Variants in KIAA0232 observed in about 807,000 individuals in gnomAD.
The protein encoded by KIAA0232 is uncharacterized protein KIAA0232.
Under a neutral mutation model 122.0 loss-of-function variants are expected in KIAA0232, and 27 were observed. The ratio of observed to expected loss-of-function variants is 0.22; its 90% confidence interval spans 0.16 to 0.31. KIAA0232 has a LOEUF of 0.31. KIAA0232 is among the 10% of genes least tolerant of loss of function. KIAA0232 has a pLI of 1.00. For synonymous variants in KIAA0232, 613 were observed against 587.6 expected (o/e 1.04, Z -0.63); for missense variants, 1,551 against 1,634.2 (o/e 0.95, Z 0.88).
At chr4:6,851,943 T>G (rs1382176894) in intron 4 of KIAA0232, among the ~76,000 whole-genome samples, 1 of 152,204 alleles carries the variant, frequency 6.6e-6, no homozygotes, top group East Asian at 1.9e-4. Context: ...ATCACCCTGC[T>G]AAAGAGCGGG....
chr4:6,838,539 C>G (rs1199411656), intron 3 of KIAA0232, among the ~76,000 whole-genome samples: 1 of 152,052 alleles, frequency 6.6e-6, no homozygotes, highest in Non-Finnish European at 1.5e-5. Flanking sequence ...TGGGAGTATT[C>G]TAGGTCTGAC....
chr4:6,879,574 A>G (rs1721943948), intron 9 of KIAA0232, among the ~76,000 whole-genome samples: 2 of 152,190 alleles, frequency 1.3e-5, no homozygotes, highest in Non-Finnish European at 2.9e-5. Flanking sequence ...AACCAGGGGC[A>G]ATGCTGCCAT....
chr4:6,830,619 C>G (rs190394881), intron 3 of KIAA0232, among the ~76,000 whole-genome samples: 41 of 152,042 alleles, frequency 2.7e-4, no homozygotes, highest in Non-Finnish European at 5.0e-4. Context: ...GTTGGCCAGG[C>G]TGGTCTCGAA....
At chr4:6,816,457 G>A (rs146801056) in intron 2 of KIAA0232, among the ~76,000 whole-genome samples, 75 of 151,844 alleles carry the variant, frequency 4.9e-4, no homozygotes, top group African/African-American at 1.7e-3. Flanking sequence ...TAATTTTTTT[G>A]TATTTTAGTA....
intron 2 of KIAA0232, among the ~76,000 whole-genome samples, chr4:6,814,326 C>G (rs1397853300): frequency 6.6e-6 from 1 of 151,090 alleles, no homozygotes; most frequent in African/African-American, 2.4e-5. Flanking sequence ...AGGAAAGGCC[C>G]TGATAGGACT....
intron 7 of KIAA0232, among the ~76,000 whole-genome samples, chr4:6,865,922 C>T (rs1406334538): frequency 1.3e-5 from 2 of 152,134 alleles, no homozygotes; most frequent in Non-Finnish European, 2.9e-5. Context: ...CTATAAGCTC[C>T]TTGTGGCTGT....
intron 9 of KIAA0232, among the ~76,000 whole-genome samples, chr4:6,877,096 T>TG (rs965374242): frequency 5.3e-5 from 8 of 152,170 alleles, no homozygotes; most frequent in African/African-American, 1.9e-4. Context: ...TCTTTTTTTT[T>TG]TTTGTTTACC....
At chr4:6,840,818 A>G (rs866267994) in intron 3 of KIAA0232, among the ~76,000 whole-genome samples, 16 of 151,900 alleles carry the variant, frequency 1.1e-4, no homozygotes, top group South Asian at 2.1e-4. Flanking sequence ...GCCCCCAGTC[A>G]TAAGCAGACT....
At chr4:6,806,616 C>A (rs1418673152) in intron 2 of KIAA0232, among the ~76,000 whole-genome samples, 3 of 151,500 alleles carry the variant, frequency 2.0e-5, no homozygotes, top group Non-Finnish European at 4.4e-5. Context: ...CGTCTATAAT[C>A]CCAGCTACTT....
intron 2 of KIAA0232, among the ~76,000 whole-genome samples, chr4:6,808,613 G>A (rs1446411629): frequency 6.6e-6 from 1 of 151,612 alleles, no homozygotes; most frequent in Admixed American, 6.6e-5. Context: ...CGATATCACT[G>A]ACACCAGGCA....
intron 3 of KIAA0232, among the ~76,000 whole-genome samples, chr4:6,840,974 C>T (rs561397460): frequency 6.6e-6 from 1 of 152,196 alleles, no homozygotes; most frequent in East Asian, 1.9e-4. Context: ...TAACGTAGTA[C>T]ATTAAGCCTT....
At chr4:6,787,208 T>C (rs908998991) in intron 1 of KIAA0232, among the ~76,000 whole-genome samples, 40 of 150,892 alleles carry the variant, frequency 2.7e-4, no homozygotes, top group African/African-American at 9.5e-4. Flanking sequence ...AAAATCCTTA[T>C]ATTTGAAGTA....
chr4:6,842,536 TATA>T (rs927563415), intron 4 of KIAA0232, among the ~76,000 whole-genome samples: 40 of 152,142 alleles, frequency 2.6e-4, no homozygotes, highest in African/African-American at 9.4e-4. Context: ...TCAACAGCAG[TATA>T]ATATTATAAT....
intron 1 of KIAA0232, among the ~76,000 whole-genome samples, chr4:6,791,631 A>C (rs2108875178): frequency 6.6e-6 from 1 of 152,248 alleles, no homozygotes; most frequent in South Asian, 2.1e-4. Flanking sequence ...GCCTGGACTC[A>C]AGCCGACTTT....
intron 2 of KIAA0232, among the ~76,000 whole-genome samples, chr4:6,822,590 G>A (rs545482201): frequency 2.8e-4 from 42 of 152,054 alleles, no homozygotes; most frequent in African/African-American, 9.6e-4. Flanking sequence ...TTTTCTAGTG[G>A]TTTGTAAATT....
chr4:6,850,948 G>A (rs1031288138), intron 4 of KIAA0232, among the ~76,000 whole-genome samples: 6 of 152,182 alleles, frequency 3.9e-5, no homozygotes, highest in East Asian at 1.9e-4. Flanking sequence ...GATTACAGGC[G>A]TGAGCCACCA....
chr4:6,841,239 G>T (rs930113569), intron 3 of KIAA0232, among the ~76,000 whole-genome samples: 3 of 152,184 alleles, frequency 2.0e-5, no homozygotes, highest in Admixed American at 1.3e-4. Context: ...TTTATCATGG[G>T]TAAGTTGTCC....
intron 1 of KIAA0232, among the ~76,000 whole-genome samples, chr4:6,788,973 TTTTTA>T (rs1716756451): frequency 6.6e-6 from 1 of 151,666 alleles, no homozygotes; most frequent in South Asian, 2.1e-4. Flanking sequence ...CTTTCTTTTT[TTTTTA>T]TTTTTATTTT....
chr4:6,847,853 T>A (rs921342662), intron 4 of KIAA0232, among the ~76,000 whole-genome samples: 44 of 62,742 alleles, frequency 7.0e-4, no homozygotes, highest in African/African-American at 1.7e-3. Context: ...CCACTCTTCA[T>A]TTCCCCCTTA....
Sources: allele counts gnomAD v4.1 joint callset (sites outside exome capture counted in the v4.1 genomes callset), GRCh38; gene constraint gnomAD v4.1.1; transcripts MANE v1.5; gene names NCBI Gene and HGNC (gene_info 2026-07-23, HGNC 2026-07-21).